The following GRID2 variants were observed in gnomAD, a reference collection of about 807,000 sequenced individuals.
GRID2 encodes the protein glutamate receptor ionotropic, delta-2.
A neutral mutation model predicts 114.8 loss-of-function variants in GRID2; 33 were observed. The ratio of observed to expected loss-of-function variants is 0.29; its 90% CI spans 0.22 to 0.38. The LOEUF (loss-of-function observed/expected upper bound fraction) is 0.38, where lower values mean the gene tolerates loss of function less well. Among genes scored for constraint, GRID2 ranks in the 10% least tolerant of loss-of-function variants. The pLI is 1.00. For missense variants in GRID2, 1,184 were observed against 1,257.7 expected (o/e 0.94, Z 0.89); for synonymous variants, 505 against 449.9 (o/e 1.12, Z -1.55).
In GRID2 at chr4:93,135,990, C is replaced by A. The variant is rs191283205; in HGVS notation, c.735+25037C>A. Reference sequence around the variant, plus strand: ...ATCCATTTTGTAAAAATTTAACAATCTTGTAATACAAACTATATGCCACTA... The same window carrying A: ...ATCCATTTTGTAAAAATTTAACAATATTGTAATACAAACTATATGCCACTA... On this transcript the variant is annotated intron_variant, in intron 4 of 15. Coordinates refer to ENST00000282020, the MANE Select transcript of GRID2 (RefSeq NM_001510.4). 8.5e-5 allele frequency among the ~76,000 whole-genome samples: 13 copies of A among 152,236 alleles called. No homozygotes were observed. The East Asian group carries it at 2.3e-3, about 27-fold the overall frequency.
At chr4:93,156,252 A>C (rs1737175848) in intron 4 of GRID2, among the ~76,000 whole-genome samples, 1 of 152,070 alleles carries the variant, frequency 6.6e-6, no homozygotes, top group Non-Finnish European at 1.5e-5. Flanking sequence ...ATAAAAGAAA[A>C]ATAGAGAGGA....
At position 92,311,433 on chromosome 4, in the gene GRID2, A is replaced by G. The variant is rs535172329; in HGVS notation, c.88+6689A>G. 3.3e-5 allele frequency among the ~76,000 whole-genome samples: 5 copies of G among 152,230 alleles called. No individual in the cohort carries two copies. In the South Asian group the frequency reaches 1.0e-3, roughly 31 times the overall value. ...GATACAGGGAAGCCAAGTGAACACC[A>G]GAAGCTAAGCACCAAAGGCCTACTT... is the stretch of plus-strand genomic sequence containing the variant. On this transcript the variant is annotated intron_variant, in intron 1 of 15. Transcript: ENST00000282020.
intron 2 of GRID2, among the ~76,000 whole-genome samples, chr4:92,991,140 A>G (rs1439887541): frequency 6.6e-6 from 1 of 152,160 alleles, no homozygotes; most frequent in Non-Finnish European, 1.5e-5. Flanking sequence ...TATGAATATT[A>G]AGCATTAACC....
chr4:93,683,775 A>T (rs1352512034), intron 14 of GRID2, among the ~76,000 whole-genome samples: 1 of 151,968 alleles, frequency 6.6e-6, no homozygotes, highest in African/African-American at 2.4e-5. Context: ...AGTATAAGCT[A>T]TCCACAATCT....
chr4:92,725,669 G>A (rs1200345423), intron 2 of GRID2, among the ~76,000 whole-genome samples: 1 of 152,088 alleles, frequency 6.6e-6, no homozygotes. Flanking sequence ...TAAAGCCAAG[G>A]AAATAAATGC....
At chr4:93,021,664 T>C (rs915277585) in intron 2 of GRID2, among the ~76,000 whole-genome samples, 1 of 145,178 alleles carries the variant, frequency 6.9e-6, no homozygotes, top group African/African-American at 2.5e-5. Context: ...TTATAATATG[T>C]ATACTATAAA....
chr4:92,498,713 G>A (rs1157032243), intron 1 of GRID2, among the ~76,000 whole-genome samples: 1 of 151,738 alleles, frequency 6.6e-6, no homozygotes, highest in Non-Finnish European at 1.5e-5. Flanking sequence ...TGAGACTATT[G>A]TATAAATTTA....
At chr4:92,658,791 G>GTATATATATATATTGTATATAT (rs1413369586) in intron 2 of GRID2, among the ~76,000 whole-genome samples, 2 of 111,146 alleles carry the variant, frequency 1.8e-5, no homozygotes, top group Non-Finnish European at 4.0e-5. Flanking sequence ...GTGTGTGTGT[G>GTATATATATATATTGTATATAT]TGTATATATA....
intron 7 of GRID2, among the ~76,000 whole-genome samples, chr4:93,231,241 CTTAGTG>C (rs1746099543): frequency 6.6e-6 from 1 of 151,432 alleles, no homozygotes; most frequent in East Asian, 1.9e-4. Context: ...TCATTTTTTT[CTTAGTG>C]TTAATATTTT....
chr4:93,319,806 C>T (rs1160193689), intron 8 of GRID2: 1 of 152,076 alleles, frequency 6.6e-6, no homozygotes, highest in Non-Finnish European at 1.5e-5. Context: ...AGTCCTACAA[C>T]TGAAAATAAC....
chr4:92,531,285 T>C (rs1194443376), intron 1 of GRID2, among the ~76,000 whole-genome samples: 1 of 152,114 alleles, frequency 6.6e-6, no homozygotes, highest in Non-Finnish European at 1.5e-5. Flanking sequence ...TTTAAGCAGA[T>C]TCATTTTAGA....
chr4:93,307,049 A>G (rs1364534187), intron 8 of GRID2, among the ~76,000 whole-genome samples: 1 of 151,950 alleles, frequency 6.6e-6, no homozygotes, highest in Non-Finnish European at 1.5e-5. Context: ...TACAAAAATT[A>G]GCTGGGCATG....
chr4:92,775,496 A>G (rs2149354943), intron 2 of GRID2, among the ~76,000 whole-genome samples: 1 of 152,294 alleles, frequency 6.6e-6, no homozygotes, highest in South Asian at 2.1e-4. Flanking sequence ...AGACTTGCTG[A>G]TATAGCAAAC....
intron 1 of GRID2, among the ~76,000 whole-genome samples, chr4:92,348,078 C>T (rs1727868953): frequency 1.3e-5 from 2 of 152,122 alleles, no homozygotes; most frequent in South Asian, 4.1e-4. Flanking sequence ...TCCTCAGCCT[C>T]CCAAATAGCT....
At chr4:92,464,176 A>C (rs185518563) in intron 1 of GRID2, among the ~76,000 whole-genome samples, 1 of 152,174 alleles carries the variant, frequency 6.6e-6, no homozygotes, top group East Asian at 1.9e-4. Flanking sequence ...TTAAGAATCA[A>C]GTGTGTCACA....
chr4:92,709,777 C>T (rs910629297), intron 2 of GRID2, among the ~76,000 whole-genome samples: 1 of 151,544 alleles, frequency 6.6e-6, no homozygotes, highest in South Asian at 2.1e-4. Flanking sequence ...TTAGAGTGAA[C>T]CTGATCTAAC....
At chr4:93,240,468 T>C (rs965846162) in intron 8 of GRID2, among the ~76,000 whole-genome samples, 2 of 151,446 alleles carry the variant, frequency 1.3e-5, no homozygotes, top group Non-Finnish European at 3.0e-5. Flanking sequence ...AGGGTGTCTT[T>C]TGCTTTTTAT....
At chr4:93,031,498 T>G (rs1430695081) in intron 2 of GRID2, among the ~76,000 whole-genome samples, 1 of 152,136 alleles carries the variant, frequency 6.6e-6, no homozygotes, top group Non-Finnish European at 1.5e-5. Flanking sequence ...CCCACCCAAA[T>G]CTCACGTTGA....
intron 2 of GRID2, among the ~76,000 whole-genome samples, chr4:92,610,885 A>AT (rs1179904691): frequency 1.3e-5 from 2 of 151,582 alleles, no homozygotes; most frequent in Non-Finnish European, 1.5e-5. Flanking sequence ...AAGTGACAAG[A>AT]TTTTTTTCTT....
Sources: allele counts gnomAD v4.1 joint callset (sites outside exome capture counted in the v4.1 genomes callset), GRCh38; gene constraint gnomAD v4.1.1; transcripts MANE v1.5; gene names NCBI Gene and HGNC (gene_info 2026-07-23, HGNC 2026-07-21).